The following SAMD4B variants were observed in gnomAD, a reference collection of about 807,000 sequenced individuals.
The protein encoded by SAMD4B is protein Smaug homolog 2.
SAMD4B carries 5 observed loss-of-function variants against 74.5 expected under a neutral mutation model. The observed-to-expected ratio is 0.07, with a 90% CI of 0.04 to 0.14. The LOEUF (loss-of-function observed/expected upper bound fraction) is 0.14, where lower values mean the gene tolerates loss of function less well. Ranked by LOEUF, SAMD4B falls within the 10% of genes least tolerant of loss-of-function variation. The pLI is 1.00. For synonymous variants in SAMD4B, 373 were observed against 374.9 expected (o/e 1.00, Z 0.06); for missense variants, 608 against 921.8 (o/e 0.66, Z 4.41).
chr19:39,376,483 C>G lies in SAMD4B; in HGVS notation c.954C>G (p.Ala318=). The G allele has an allele frequency of 1.2e-6, 2 of 1,613,536 alleles. No homozygotes were observed. The highest frequency in any genetic ancestry group is 1.7e-6 in the Non-Finnish European group (2 of 1,180,040). ...LKSLRLHKYA[A]LFSQMSYEEM... ...GCCTCCGTTTGCACAAGTATGCAGC[C>G]CTCTTCTCACAGATGAGCTACGAGG... is the stretch of plus-strand genomic sequence containing the variant. The change falls in exon 6 of 14, where the codon GCC becomes GCG. Residue 318 remains alanine (A), a synonymous_variant. Coordinates refer to ENST00000610417, the MANE Select transcript of SAMD4B (RefSeq NM_001384574.2).
At position 39,360,185 on chromosome 19, in the gene SAMD4B, C is replaced by CA. The variant is rs1313986674; in HGVS notation, c.196+3109dup. On this transcript the variant is annotated intron_variant, in intron 3 of 13. Coordinates refer to ENST00000610417, the MANE Select transcript of SAMD4B (RefSeq NM_001384574.2). ...TGGGCGACAGAGCAAGACTCCGTCT[C>CA]AAAAAAAAAAAAATAAAAAAATAAA... 202 of 132,782 alleles carry CA rather than the reference C, an allele frequency of 1.5e-3. 1 individual carries two copies. The highest frequency in any genetic ancestry group is 1.9e-3 in the African/African-American group (72 of 37,478). The allele number at this position is 132,782 out of a possible 1,614,324, so 8.2% of individuals were successfully genotyped here.
chr19:39,390,029 G>T (rs766572583), downstream of SAMD4B: 6 of 1,491,764 alleles, frequency 4.0e-6, no homozygotes, highest in Non-Finnish European at 5.6e-6. Flanking sequence ...TGCCTTCAAG[G>T]AACTCATACC....
At chr19:39,388,904 C>T, downstream of SAMD4B, 1 of 1,609,974 alleles carries the variant, frequency 6.2e-7, no homozygotes, top group South Asian at 1.1e-5. Flanking sequence ...TGGGAACAGG[C>T]ACAAATAGGC....
At chr19:39,344,265 T>A (rs1048717196) in intron 1 of SAMD4B, among the ~76,000 whole-genome samples, 1 of 152,100 alleles carries the variant, frequency 6.6e-6, no homozygotes, top group Non-Finnish European at 1.5e-5. Context: ...CCTATAATTC[T>A]TTCTGAAAAA....
At chr19:39,367,490 GTTTTTTTTTTCTTTTTCTTTTTTTTT>G (rs1568356118) in intron 3 of SAMD4B, among the ~76,000 whole-genome samples, 1 of 141,368 alleles carries the variant, frequency 7.1e-6, no homozygotes, top group Non-Finnish European at 1.5e-5. Flanking sequence ...TGCTAATGAG[GTTTTTTTTTTCTTTTTCTTTTTTTTT>G]TTTTTTTTTT....
chr19:39,381,327 GTCA>G (rs2077971502), intron 12 of SAMD4B: 3 of 533,256 alleles, frequency 5.6e-6, no homozygotes, highest in Non-Finnish European at 9.8e-6. Flanking sequence ...ACCCCTCTGA[GTCA>G]TCATCTCTCA....
In SAMD4B at chr19:39,378,128, C is replaced by G. The variant is rs141735069; in HGVS notation, c.1444+304C>G. Among the ~76,000 whole-genome samples the G allele has an allele frequency of 1.3e-5, 2 of 152,270 alleles. No homozygotes were observed. The highest frequency in any genetic ancestry group is 4.8e-5 in the African/African-American group (2 of 41,552). ...GCAGTTGAGGGGAGTCCATTGATTT[C>G]TCTCAGAGGGGACCAAAGTCCAGGG... is the stretch of plus-strand genomic sequence containing the variant. On this transcript the variant is annotated intron_variant, in intron 8 of 13. Coordinates refer to ENST00000610417, the MANE Select transcript of SAMD4B (RefSeq NM_001384574.2). This position sits in a 1 kb window ranked among gnomAD's most constrained non-coding sequence, Gnocchi z 4.4.
chr19:39,355,695 G>A (rs1193400651), intron 2 of SAMD4B, among the ~76,000 whole-genome samples: 1 of 152,214 alleles, frequency 6.6e-6, no homozygotes, highest in Non-Finnish European at 1.5e-5. Flanking sequence ...CCAACCACCT[G>A]AAAAATAGGT....
chr19:39,386,516 C>CTCT, downstream of SAMD4B: 1 of 1,614,234 alleles, frequency 6.2e-7, no homozygotes, highest in Non-Finnish European at 8.5e-7. The surrounding 1 kb of genome is among the most constrained non-coding windows in gnomAD (Gnocchi z 6.1). Flanking sequence ...CTGTCTCCAT[C>CTCT]TCCTCTTCCT....
Position 39,378,497 on chromosome 19 carries a change from C to T in SAMD4B, c.1445-7C>T, listed in dbSNP as rs770682386. 6.2e-7 allele frequency: 1 copy of T among 1,613,646 alleles called. No individual in the cohort carries two copies. Among genetic ancestry groups the T allele is most frequent in the Non-Finnish European group, 8.5e-7 (1 of 1,179,734 alleles). On this transcript the variant is annotated splice_region_variant and splice_polypyrimidine_tract_variant and intron_variant, in intron 8 of 13. Transcript: ENST00000610417. This position sits in a 1 kb window ranked among gnomAD's most constrained non-coding sequence, Gnocchi z 4.4. ...TTAACCTCCTGCCCTTTCTCATGTCCCCCCAGTGTGCACCCAACTGCTGGT... is the reference window on the plus strand; with the variant it reads ...TTAACCTCCTGCCCTTTCTCATGTCTCCCCAGTGTGCACCCAACTGCTGGT...
Position 39,376,426 on chromosome 19 carries a change from C to T in SAMD4B, c.908-11C>T, listed in dbSNP as rs749106130. On this transcript the variant is annotated splice_polypyrimidine_tract_variant and intron_variant, in intron 5 of 13. Transcript: ENST00000610417. ...AACTCCTGACCTTTCACTCTCCCTCCTTTGCCAAAGATGTGCCCTCATGGC... is the reference window on the plus strand; with the variant it reads ...AACTCCTGACCTTTCACTCTCCCTCTTTTGCCAAAGATGTGCCCTCATGGC... The T allele has an allele frequency of 6.2e-7, 1 of 1,605,980 alleles. No homozygotes were observed. The highest frequency in any genetic ancestry group is 8.5e-7 in the Non-Finnish European group (1 of 1,176,150).
intron 3 of SAMD4B, among the ~76,000 whole-genome samples, chr19:39,366,859 C>T (rs1308179630): frequency 6.6e-6 from 1 of 152,064 alleles, no homozygotes. Flanking sequence ...TCTAGGTTTC[C>T]AAGACTTTCC....
Position 39,361,412 on chromosome 19 carries a change from T to G in SAMD4B, c.196+4323T>G, listed in dbSNP as rs1043481205. ...CAGGCGGATCATGAGGTCAGGAGAT[T>G]GAGACCATCCTGGCTAAAATGGTGA... On this transcript the variant is annotated intron_variant, in intron 3 of 13. Transcript: ENST00000610417. 1.9e-3 allele frequency among the ~76,000 whole-genome samples: 256 copies of G among 131,700 alleles called. No homozygotes were observed. The Middle Eastern group carries it at 0.056, about 29-fold the overall frequency. The allele number at this position is 131,700 out of a possible 152,430, so 86.4% of individuals were successfully genotyped here. A position where few individuals can be genotyped will look rare whatever the true frequency, so the allele number is the denominator to read the frequency against.
Position 39,370,050 on chromosome 19 carries a change from A to G in SAMD4B, c.592A>G (p.Asn198Asp). Residue 198 changes from asparagine to aspartate, a missense_variant, in exon 4 of 14, where the codon AAT (asparagine) becomes GAT (aspartate). By Grantham distance (23) the Asn-to-Asp change is conservative. Transcript: ENST00000610417. ...PGWQDKPPRE[N>D]GHVPFHPSSS... is the part of the protein sequence containing the mutation. The stretch of plus-strand genomic sequence containing the variant: ...CTGGCAGGACAAGCCACCCCGGGAA[A>G]ATGGACACGTGCCCTTCCACCCATC... The G allele has an allele frequency of 6.2e-7, 1 of 1,612,368 alleles. No homozygotes were observed. The highest frequency in any genetic ancestry group is 8.5e-7 in the Non-Finnish European group (1 of 1,179,236).
At chr19:39,368,167 T>G (rs2145648345) in intron 3 of SAMD4B, among the ~76,000 whole-genome samples, 1 of 151,832 alleles carries the variant, frequency 6.6e-6, no homozygotes, top group East Asian at 2.0e-4. Context: ...TGAGCCAAGA[T>G]CGCGCCACTG....
At chr19:39,386,872 C>T, downstream of SAMD4B, 2 of 993,316 alleles carry the variant, frequency 2.0e-6, no homozygotes, top group Non-Finnish European at 3.2e-6. This position sits in a 1 kb window ranked among gnomAD's most constrained non-coding sequence, Gnocchi z 6.1. Context: ...CCCCGCCCCC[C>T]AGTGAGGGGT....
intron 1 of SAMD4B, chr19:39,352,035 G>T (rs2145305139): frequency 6.6e-6 from 1 of 152,348 alleles, no homozygotes; most frequent in South Asian, 2.1e-4. Context: ...GTAGCAGGCG[G>T]CCTCTGGCCC....
downstream of SAMD4B, chr19:39,385,714 T>C: frequency 3.7e-6 from 2 of 533,566 alleles, no homozygotes; most frequent in Admixed American, 7.2e-5. Flanking sequence ...TGACCTTCGT[T>C]GTGCTACATT....
At chr19:39,389,837 C>G, downstream of SAMD4B, 2 of 1,592,420 alleles carry the variant, frequency 1.3e-6, no homozygotes, top group Non-Finnish European at 1.7e-6. The surrounding 1 kb of genome is among the most constrained non-coding windows in gnomAD (Gnocchi z 5.3). Context: ...AGAGGCGGAG[C>G]TTCTCTGGGG....
Sources: allele counts gnomAD v4.1 joint callset (sites outside exome capture counted in the v4.1 genomes callset), GRCh38; gene constraint gnomAD v4.1.1; non-coding constraint Gnocchi (gnomAD v3.1); transcripts MANE v1.5; gene names NCBI Gene and HGNC (gene_info 2026-07-23, HGNC 2026-07-21).